LRTM1: variants seen among roughly 807,000 people sequenced by gnomAD.
The protein encoded by LRTM1 is leucine rich repeat transmembrane protein 1, also known as leucine-rich repeat and transmembrane domain-containing protein 1.
In LRTM1, 38 loss-of-function variants were observed where a neutral mutation model predicts 32.4. The observed-to-expected ratio is 1.17, with a 90% CI of 0.91 to 1.54. The LOEUF (loss-of-function observed/expected upper bound fraction) is 1.54, where lower values mean the gene tolerates loss of function less well. Ranked by LOEUF, LRTM1 falls within the 40% of genes most tolerant of loss-of-function variation. The pLI, the probability that LRTM1 is intolerant of heterozygous loss-of-function variation, is 0.00. For synonymous variants in LRTM1, 186 were observed against 169.9 expected (o/e 1.09, Z -0.74); for missense variants, 466 against 415.4 (o/e 1.12, Z -1.06).
intron 1 of LRTM1, among the ~76,000 whole-genome samples, chr3:54,941,769 A>G (rs1701472703): frequency 6.6e-6 from 1 of 152,188 alleles, no homozygotes; most frequent in South Asian, 2.1e-4. Flanking sequence ...CTCTAGAGGA[A>G]GGGACATTAA....
intron 1 of LRTM1, among the ~76,000 whole-genome samples, chr3:54,942,899 C>G (rs1701511246): frequency 1.3e-5 from 2 of 152,154 alleles, no homozygotes. Flanking sequence ...TGGCACGTGC[C>G]TGTAGTCCCA....
chr3:54,941,041 T>G (rs1474577094), intron 1 of LRTM1, among the ~76,000 whole-genome samples: 6 of 152,258 alleles, frequency 3.9e-5, no homozygotes, highest in Non-Finnish European at 8.8e-5. Context: ...ATGTTTCCTT[T>G]TCTCCAGTGA....
chr3:54,966,836 A>G (rs1420810236), intron 1 of LRTM1: 3 of 152,178 alleles, frequency 2.0e-5, no homozygotes, highest in African/African-American at 7.3e-5. Flanking sequence ...CAAACAAACA[A>G]ACGATTCGCA....
In LRTM1 at chr3:54,918,310, T is replaced by A; in HGVS notation, c.*149A>T. 1.3e-6 allele frequency: 1 copy of A among 787,706 alleles called. No homozygotes were observed. The highest frequency in any genetic ancestry group is 2.6e-5 in the Admixed American group (1 of 39,012). 48.8% of individuals were successfully genotyped at this position (787,706 alleles called of 1,614,324 possible). A position where few individuals can be genotyped will look rare whatever the true frequency, so the allele number is the denominator to read the frequency against. The stretch of plus-strand genomic sequence containing the variant: ...TAAATTCCTCCCCAGAAATATTTTT[T>A]ACAGACACATCTTTTTTTTTTCTTT... On this transcript the variant is annotated 3_prime_UTR_variant, in exon 3 of 3. Transcript: ENST00000273286.
Position 54,941,427 on chromosome 3 carries a change from A to G in LRTM1, c.-221-16212T>C, listed in dbSNP as rs1701462765. Among the ~76,000 whole-genome samples, 3 of 152,316 alleles carry G rather than the reference A, an allele frequency of 2.0e-5. 1 individual carries two copies. Among genetic ancestry groups the G allele is most frequent in the South Asian group, 4.1e-4 (2 of 4,826 alleles). ...TGGATCCTGACGGACGCTATTTTCAAACTACTTATTGGCCCAGGGATGGGG... is the reference window on the plus strand; with the variant it reads ...TGGATCCTGACGGACGCTATTTTCAGACTACTTATTGGCCCAGGGATGGGG... On this transcript the variant is annotated intron_variant, in intron 1 of 2. Coordinates refer to the LRTM1 transcript ENST00000493075.
intron 1 of LRTM1, among the ~76,000 whole-genome samples, chr3:54,958,373 A>G (rs1198499170): frequency 6.6e-6 from 1 of 152,186 alleles, no homozygotes; most frequent in East Asian, 1.9e-4. Context: ...AGCCTGGGCG[A>G]CAGAGCAAGA....
At chr3:54,960,954 T>C (rs1032407480) in intron 1 of LRTM1, among the ~76,000 whole-genome samples, 1 of 152,232 alleles carries the variant, frequency 6.6e-6, no homozygotes, top group African/African-American at 2.4e-5. Flanking sequence ...GTTATTTTCC[T>C]TGATGCTCCA....
chr3:54,945,816 A>T (rs191839960), intron 1 of LRTM1, among the ~76,000 whole-genome samples: 23 of 152,326 alleles, frequency 1.5e-4, no homozygotes, highest in African/African-American at 5.5e-4. Flanking sequence ...GGTTTGCAGC[A>T]TGCAGAGAAG....
chr3:54,926,668 G>A (rs183895306), intron 1 of LRTM1, among the ~76,000 whole-genome samples: 20 of 152,298 alleles, frequency 1.3e-4, no homozygotes, highest in African/African-American at 4.8e-4. Flanking sequence ...TACGTGGAAA[G>A]CTAATTCATT....
At chr3:54,965,823 T>A (rs1230279340) in intron 1 of LRTM1, among the ~76,000 whole-genome samples, 1 of 152,044 alleles carries the variant, frequency 6.6e-6, no homozygotes, top group African/African-American at 2.4e-5. Context: ...CCAGGAGCCT[T>A]TGGGCAACAA....
intron 1 of LRTM1, among the ~76,000 whole-genome samples, chr3:54,951,769 G>T (rs1339374683): frequency 1.3e-5 from 2 of 152,220 alleles, no homozygotes; most frequent in Non-Finnish European, 2.9e-5. Context: ...AGTTAAGTAA[G>T]ATAACACAGG....
intron 1 of LRTM1, among the ~76,000 whole-genome samples, chr3:54,954,229 C>T (rs1387973006): frequency 1.3e-5 from 2 of 152,184 alleles, no homozygotes; most frequent in African/African-American, 2.4e-5. Context: ...CTCCTCATTC[C>T]AAGGGAAGGT....
chr3:54,965,957 A>C (rs1702139642), intron 1 of LRTM1, among the ~76,000 whole-genome samples: 1 of 152,122 alleles, frequency 6.6e-6, no homozygotes, highest in African/African-American at 2.4e-5. Context: ...CTGCATGATT[A>C]ATGGGATGGA....
At chr3:54,962,539 C>T (rs1485627651) in intron 1 of LRTM1, among the ~76,000 whole-genome samples, 1 of 152,218 alleles carries the variant, frequency 6.6e-6, no homozygotes. Flanking sequence ...TTTATTTACT[C>T]TCACTGATTT....
At chr3:54,962,697 G>A (rs1702060484) in intron 1 of LRTM1, among the ~76,000 whole-genome samples, 1 of 152,174 alleles carries the variant, frequency 6.6e-6, no homozygotes. Flanking sequence ...ACTCCTGATT[G>A]GAATTCACTG....
chr3:54,944,986 A>G (rs1034288394), intron 1 of LRTM1, among the ~76,000 whole-genome samples: 41 of 152,178 alleles, frequency 2.7e-4, no homozygotes, highest in African/African-American at 8.9e-4. Context: ...TTCTCCACAA[A>G]TAGACTTTAC....
At chr3:54,926,349 C>T (rs1575381158) in intron 1 of LRTM1, among the ~76,000 whole-genome samples, 1 of 152,174 alleles carries the variant, frequency 6.6e-6, no homozygotes, top group African/African-American at 2.4e-5. Flanking sequence ...ATCACTTGCC[C>T]AAGTTCACAC....
At chr3:54,950,292 T>C (rs1701726366) in intron 1 of LRTM1, among the ~76,000 whole-genome samples, 1 of 152,172 alleles carries the variant, frequency 6.6e-6, no homozygotes, top group African/African-American at 2.4e-5. Context: ...GTAGATGTTA[T>C]TTTAGTGCTG....
At chr3:54,942,652 A>G (rs552015452) in intron 1 of LRTM1, among the ~76,000 whole-genome samples, 63 of 152,190 alleles carry the variant, frequency 4.1e-4, no homozygotes, top group African/African-American at 1.3e-3. Context: ...AGCTTGGGAG[A>G]CTGAGCCAGA....
Sources: allele counts gnomAD v4.1 joint callset (sites outside exome capture counted in the v4.1 genomes callset), GRCh38; gene constraint gnomAD v4.1.1; transcripts MANE v1.5; gene names NCBI Gene and HGNC (gene_info 2026-07-23, HGNC 2026-07-21).